The following TBC1D5 variants were observed in gnomAD, a reference collection of about 807,000 sequenced individuals.
TBC1D5 encodes TBC1 domain family member 5.
Under a neutral mutation model 100.3 loss-of-function variants are expected in TBC1D5, and 75 were observed. The observed-to-expected ratio is 0.75, with a 90% CI of 0.62 to 0.91. The LOEUF (loss-of-function observed/expected upper bound fraction) is 0.91. Among genes scored for constraint, TBC1D5 ranks in the 40% least tolerant of loss-of-function variants. The probability of loss-of-function intolerance (pLI) is 0.00; values close to 1 mark genes in which losing one functional copy is unlikely to be tolerated. For missense variants in TBC1D5, 910 were observed against 942.4 expected, an observed-to-expected ratio of 0.97 and a Z score of 0.45; for synonymous variants, 323 against 325.6, an observed-to-expected ratio of 0.99 and a Z score of 0.09.
In TBC1D5 at chr3:17,483,949, G is replaced by A. The variant is rs112592116; in HGVS notation, c.97+24525C>T. Among the ~76,000 whole-genome samples the A allele has an allele frequency of 6.6e-3, 1,005 of 152,222 alleles. 5 individuals carry two copies. The highest frequency in any genetic ancestry group is 0.022 in the African/African-American group (928 of 41,528). ...AATTGGCTATTAAATACAGCAGCCTGGACATGATAACTTTAGGAAAACAAT... is the reference window on the plus strand; with the variant it reads ...AATTGGCTATTAAATACAGCAGCCTAGACATGATAACTTTAGGAAAACAAT... On this transcript the variant is annotated intron_variant, in intron 3 of 21. Coordinates refer to ENST00000253692, the Ensembl canonical transcript of TBC1D5.
chr3:17,158,575 G>A (rs2065783152), exon 22 of TBC1D5: 1 of 152,258 alleles, frequency 6.6e-6, no homozygotes, highest in Non-Finnish European at 1.5e-5. Context: ...CACTGTCCTT[G>A]TATGTCTCTC....
At chr3:17,673,311 C>CTTTTCTT (rs2068184905) in intron 1 of TBC1D5, among the ~76,000 whole-genome samples, 1 of 125,982 alleles carries the variant, frequency 7.9e-6, no homozygotes, top group African/African-American at 2.9e-5. Flanking sequence ...CTTTTCTTTT[C>CTTTTCTT]TTTTTTTTTT....
chr3:17,386,577 A>G (rs2152275712), intron 8 of TBC1D5, among the ~76,000 whole-genome samples: 1 of 152,254 alleles, frequency 6.6e-6, no homozygotes, highest in Non-Finnish European at 1.5e-5. Flanking sequence ...AGTTTTGGCC[A>G]ATCAAATGTA....
chr3:17,633,622 A>C (rs1361359066), intron 1 of TBC1D5, among the ~76,000 whole-genome samples: 2 of 152,180 alleles, frequency 1.3e-5, no homozygotes, highest in Non-Finnish European at 2.9e-5. Context: ...CTTTCAATCC[A>C]AGTTACCCTT....
In TBC1D5 at chr3:17,401,297, G is replaced by A; in HGVS notation, c.509+1884C>T. 1.7e-5 allele frequency among the ~76,000 whole-genome samples: 2 copies of A among 119,520 alleles called. 1 individual carries two copies. Among genetic ancestry groups the A allele is most frequent in the Non-Finnish European group, 3.4e-5 (2 of 59,164 alleles). The allele number at this position is 119,520 out of a possible 152,430, so 78.4% of individuals were successfully genotyped here. ...GTATAATACACATATATATGTATGTGTATAATACACATATATATGTATGTG... is the reference window on the plus strand; with the variant it reads ...GTATAATACACATATATATGTATGTATATAATACACATATATATGTATGTG... On this transcript the variant is annotated intron_variant, in intron 8 of 21. Coordinates refer to ENST00000253692, the Ensembl canonical transcript of TBC1D5.
intron 2 of TBC1D5, among the ~76,000 whole-genome samples, chr3:17,573,683 T>C (rs1353471666): frequency 1.3e-5 from 2 of 152,016 alleles, no homozygotes; most frequent in African/African-American, 4.8e-5. Context: ...AGTATTTCCC[T>C]CCACCTAGAG....
At chr3:17,677,090 G>A (rs1448009771) in intron 1 of TBC1D5, among the ~76,000 whole-genome samples, 2 of 152,140 alleles carry the variant, frequency 1.3e-5, no homozygotes, top group East Asian at 3.9e-4. Flanking sequence ...ACATAGGCAT[G>A]GGCAAGGACT....
intron 3 of TBC1D5, among the ~76,000 whole-genome samples, chr3:17,441,517 T>C (rs1223985059): frequency 6.6e-6 from 1 of 152,074 alleles, no homozygotes; most frequent in Non-Finnish European, 1.5e-5. Context: ...AGAAGCCAGC[T>C]TTTAGATAAG....
intron 2 of TBC1D5, among the ~76,000 whole-genome samples, chr3:17,572,131 T>C (rs1210249980): frequency 1.3e-5 from 2 of 151,962 alleles, no homozygotes; most frequent in African/African-American, 2.4e-5. Flanking sequence ...GTGTTGAACC[T>C]ACATGAGTCT....
chr3:17,500,208 G>C (rs1395053824), intron 3 of TBC1D5, among the ~76,000 whole-genome samples: 1 of 149,064 alleles, frequency 6.7e-6, no homozygotes, highest in Admixed American at 6.6e-5. Flanking sequence ...TACATCAATG[G>C]AAGATTTTGA....
At chr3:17,319,749 A>T (rs1378367706) in intron 13 of TBC1D5, among the ~76,000 whole-genome samples, 13 of 152,176 alleles carry the variant, frequency 8.5e-5, no homozygotes, top group Non-Finnish European at 1.5e-4. Flanking sequence ...GGGCACCTGT[A>T]GCTCCAGCTA....
chr3:17,359,135 A>G (rs2091483835), intron 13 of TBC1D5, among the ~76,000 whole-genome samples: 1 of 152,182 alleles, frequency 6.6e-6, no homozygotes, highest in South Asian at 2.1e-4. Context: ...AAAAATAAGA[A>G]GCAAAAAGCA....
chr3:17,506,899 C>A lies in TBC1D5; in HGVS notation c.97+1575G>T, dbSNP rs913587410. On this transcript the variant is annotated intron_variant, in intron 3 of 21. Transcript: ENST00000253692. ...GGCGAAGTGGCAGCCGCCTGTAGTCCCAGCTACTTGGGAGGCTGAGGCAGG... is the reference window on the plus strand; with the variant it reads ...GGCGAAGTGGCAGCCGCCTGTAGTCACAGCTACTTGGGAGGCTGAGGCAGG... Among the ~76,000 whole-genome samples the A allele has an allele frequency of 4.6e-5, 7 of 152,102 alleles. 1 individual carries two copies. The highest frequency in any genetic ancestry group is 3.9e-4 in the Admixed American group (6 of 15,276).
intron 4 of TBC1D5, among the ~76,000 whole-genome samples, chr3:17,425,124 A>AC (rs1240102037): frequency 6.6e-6 from 1 of 152,154 alleles, no homozygotes; most frequent in African/African-American, 2.4e-5. Context: ...AGTGATGATG[A>AC]CAATGATGAT....
chr3:17,335,229 T>C (rs932563991), intron 13 of TBC1D5, among the ~76,000 whole-genome samples: 1 of 152,068 alleles, frequency 6.6e-6, no homozygotes, highest in Non-Finnish European at 1.5e-5. Flanking sequence ...ACTTGGTAAG[T>C]TTTTCTCTGT....
chr3:17,611,629 G>A (rs566164195), intron 2 of TBC1D5, among the ~76,000 whole-genome samples: 1 of 152,318 alleles, frequency 6.6e-6, no homozygotes, highest in South Asian at 2.1e-4. Flanking sequence ...GCATTTTTAA[G>A]TCTCAATAGC....
At chr3:17,512,718 A>G (rs1052352600) in intron 2 of TBC1D5, among the ~76,000 whole-genome samples, 1 of 152,204 alleles carries the variant, frequency 6.6e-6, no homozygotes, top group Admixed American at 6.5e-5. Flanking sequence ...TGTAAATAAC[A>G]ATTTCTCCTA....
chr3:17,731,561 T>C (rs867855765), intron 1 of TBC1D5, among the ~76,000 whole-genome samples: 28 of 145,898 alleles, frequency 1.9e-4, no homozygotes, highest in Middle Eastern at 7.6e-3. Flanking sequence ...CAATGGAGAA[T>C]ATCAGGTTTT....
intron 4 of TBC1D5, among the ~76,000 whole-genome samples, chr3:17,422,520 T>C (rs2094236589): frequency 6.6e-6 from 1 of 152,108 alleles, no homozygotes; most frequent in East Asian, 1.9e-4. Flanking sequence ...AAAAATAACA[T>C]GATTAACAAA....
Sources: gnomAD v4.1 joint callset for allele counts (sites outside exome capture counted in the v4.1 genomes callset) on GRCh38, gnomAD v4.1.1 for gene constraint, MANE v1.5 for transcripts, NCBI Gene and HGNC (gene_info 2026-07-23, HGNC 2026-07-21) for gene names.